Variants in TFAP2A observed in about 807,000 individuals in gnomAD.
The protein encoded by TFAP2A is transcription factor AP-2 alpha.
TFAP2A carries 7 observed loss-of-function variants against 41.5 expected under a neutral mutation model. The ratio of observed to expected loss-of-function variants is 0.17; its 90% CI spans 0.10 to 0.32. The LOEUF is 0.32. Ranked by LOEUF, TFAP2A falls within the 10% of genes least tolerant of loss-of-function variation. The pLI, the probability that TFAP2A is intolerant of heterozygous loss-of-function variation, is 1.00. For synonymous variants in TFAP2A, 247 were observed against 242.8 expected, an observed-to-expected ratio of 1.02 and a Z score of -0.16; for missense variants, 416 against 563.3, an observed-to-expected ratio of 0.74 and a Z score of 2.65.
chr6:10,411,609 T>G, intron 1 of TFAP2A: 2 of 1,613,892 alleles, frequency 1.2e-6, no homozygotes, highest in South Asian at 1.1e-5. Context: ...GCGAAGAGTC[T>G]GGGGTAACGA....
chr6:10,399,076 T>C (rs1029591591), intron 6 of TFAP2A, among the ~76,000 whole-genome samples: 3 of 152,176 alleles, frequency 2.0e-5, no homozygotes, highest in Non-Finnish European at 4.4e-5. Context: ...AACAGTAGCA[T>C]CTTGCGAACA....
Position 10,397,947 on chromosome 6 carries a change from G to C in TFAP2A, c.*470C>G. 1 of 988,988 alleles carries C rather than the reference G, an allele frequency of 1.0e-6. No homozygotes were observed. Among genetic ancestry groups the C allele is most frequent in the Non-Finnish European group, 1.2e-6 (1 of 831,174 alleles). 61.3% of individuals were successfully genotyped at this position (988,988 alleles called of 1,614,324 possible). On this transcript the variant is annotated 3_prime_UTR_variant, in exon 7 of 7. Coordinates refer to ENST00000379613, the MANE Select transcript of TFAP2A (RefSeq NM_001372066.1). ...TTTTTTTTAAGTATGGCTACAATCTGAACTGAAGTATGTAAGGGAAGGTGG... is the reference window on the plus strand; with the variant it reads ...TTTTTTTTAAGTATGGCTACAATCTCAACTGAAGTATGTAAGGGAAGGTGG...
chr6:10,397,012 T>TAA lies in TFAP2A; in HGVS notation c.*1403_*1404dup, dbSNP rs1761788543. The TAA allele has an allele frequency of 6.6e-6, 1 of 152,388 alleles. No homozygotes were observed. Among genetic ancestry groups the TAA allele is most frequent in the Admixed American group, 6.5e-5 (1 of 15,272 alleles). The allele number at this position is 152,388 out of a possible 1,614,324, so 9.4% of individuals were successfully genotyped here. A position where few individuals can be genotyped will look rare whatever the true frequency, so the allele number is the denominator to read the frequency against. On this transcript the variant is annotated 3_prime_UTR_variant, in exon 7 of 7. Transcript: ENST00000379613. The stretch of plus-strand genomic sequence containing the variant: ...TGCCAAGAACAAAAATACGCCTGGG[T>TAA]AAAGACAGCCACTGAATAAAAAAAA...
intron 5 of TFAP2A, among the ~76,000 whole-genome samples, chr6:10,401,227 G>T (rs1326281130): frequency 6.6e-6 from 1 of 152,186 alleles, no homozygotes; most frequent in Non-Finnish European, 1.5e-5. Flanking sequence ...AAATGGAGCG[G>T]ATCACAAACA....
chr6:10,398,725 G>GA lies in TFAP2A; in HGVS notation c.1032-21dup. 1 of 1,610,638 alleles carries GA rather than the reference G, an allele frequency of 6.2e-7. No individual in the cohort carries two copies. Among genetic ancestry groups the GA allele is most frequent in the Non-Finnish European group, 8.5e-7 (1 of 1,177,644 alleles). On this transcript the variant is annotated intron_variant, in intron 6 of 6. Coordinates refer to ENST00000379613, the MANE Select transcript of TFAP2A (RefSeq NM_001372066.1). This position sits in a 1 kb window ranked among gnomAD's most constrained non-coding sequence, Gnocchi z 5.3. ...ATCTGTCTGCAGCACAAGTGGAGCAGAGAGAGAGACATAAGGCTCCACTAT... is the reference window on the plus strand; with the variant it reads ...ATCTGTCTGCAGCACAAGTGGAGCAGAAGAGAGAGACATAAGGCTCCACTAT...
Position 10,398,496 on chromosome 6 carries a change from A to T in TFAP2A, c.1241T>A (p.Met414Lys). ...GCTGTTGGGGTTGTTGCTGAGGTACATTTTGTCCATGGCCTTGAGGGCCTC... is the reference window on the plus strand; with the variant it reads ...GCTGTTGGGGTTGTTGCTGAGGTACTTTTTGTCCATGGCCTTGAGGGCCTC... Reference protein sequence around the residue: ...LTEALKAMDKMYLSNNPNSHT... With the variant: ...LTEALKAMDKKYLSNNPNSHT... Residue 414 changes from methionine to lysine, a missense_variant, in exon 7 of 7, where the codon ATG (methionine) becomes AAG (lysine). Coordinates refer to ENST00000379613, the MANE Select transcript of TFAP2A (RefSeq NM_001372066.1). The surrounding 1 kb of genome is among the most constrained non-coding windows in gnomAD (Gnocchi z 5.3). 1.2e-6 allele frequency: 2 copies of T among 1,614,008 alleles called. No homozygotes were observed. The highest frequency in any genetic ancestry group is 1.7e-6 in the Non-Finnish European group (2 of 1,179,990).
At position 10,409,924 on chromosome 6, in the gene TFAP2A, G is replaced by A; in HGVS notation, c.463C>T (p.Pro155Ser). ...GLGDLSIHSL[P>S]HAIEEVPHVE... ...ACCGGGACCTCCTCGATGGCGTGAG[G>A]TAAGGAGTGGATCGAGAGGTCTCCG... The change falls in exon 2 of 7, where the codon CCT becomes TCT. Residue 155 changes from proline to serine, a missense_variant. Transcript: ENST00000379613. The A allele has an allele frequency of 6.4e-7, 1 of 1,553,104 alleles. No homozygotes were observed. The highest frequency in any genetic ancestry group is 1.2e-5 in the South Asian group (1 of 84,542).
chr6:10,402,451 A>T, intron 5 of TFAP2A, 41 bp downstream of exon 5: 2 of 1,427,896 alleles, frequency 1.4e-6, no homozygotes, highest in South Asian at 1.1e-5. Flanking sequence ...TCCATTTTCC[A>T]AGAAGGAAGT....
Position 10,404,407 on chromosome 6 carries a change from C to A in TFAP2A, c.770+101G>T, listed in dbSNP as rs888393668. 1.5e-5 allele frequency: 12 copies of A among 813,778 alleles called. No individual in the cohort carries two copies. The South Asian group carries it at 4.8e-4, about 32-fold the overall frequency. 50.4% of individuals were successfully genotyped at this position (813,778 alleles called of 1,614,324 possible). On this transcript the variant is annotated intron_variant, in intron 4 of 6. Coordinates refer to ENST00000379613, the MANE Select transcript of TFAP2A (RefSeq NM_001372066.1). ...CTTTCCTTTCCCGCGTAGGGAGGGCCGCGGCGCGAGGCCTGTTTGCGTCGC... is the reference window on the plus strand; with the variant it reads ...CTTTCCTTTCCCGCGTAGGGAGGGCAGCGGCGCGAGGCCTGTTTGCGTCGC...
At position 10,414,993 on chromosome 6, in the gene TFAP2A, G is replaced by T; in HGVS notation, c.-2C>A. ...CGTCAATTTCCAAAGCATTTTCATGGATCGGCGTGAACGGATATGCCCCTC... is the reference window on the plus strand; with the variant it reads ...CGTCAATTTCCAAAGCATTTTCATGTATCGGCGTGAACGGATATGCCCCTC... On this transcript the variant is annotated 5_prime_UTR_variant, in exon 1 of 7. Transcript: ENST00000379613. The T allele has an allele frequency of 6.2e-7, 1 of 1,614,138 alleles. No individual in the cohort carries two copies. Among genetic ancestry groups the T allele is most frequent in the African/African-American group, 1.3e-5 (1 of 75,030 alleles).
chr6:10,409,853 T>TAA, intron 2 of TFAP2A, 48 bp downstream of exon 2: 13 of 1,540,022 alleles, frequency 8.4e-6, no homozygotes, highest in Non-Finnish European at 1.1e-5. Context: ...CTGGGGTAGG[T>TAA]AAGTAGGGGG....
upstream of TFAP2A, chr6:10,417,326 CTGT>C (rs753266464): frequency 3.9e-5 from 6 of 152,280 alleles, no homozygotes; most frequent in Non-Finnish European, 7.3e-5. Flanking sequence ...GGCTGCTAAA[CTGT>C]TGTTGTATTC....
chr6:10,401,378 G>A (rs1761999036), intron 5 of TFAP2A, among the ~76,000 whole-genome samples: 1 of 152,144 alleles, frequency 6.6e-6, no homozygotes, highest in African/African-American at 2.4e-5. Context: ...GTTCTCTATG[G>A]ACTGTTATGA....
Position 10,398,089 on chromosome 6 carries a change from A to C in TFAP2A, c.*328T>G, listed in dbSNP as rs1164960101. On this transcript the variant is annotated 3_prime_UTR_variant, in exon 7 of 7. Transcript: ENST00000379613. The surrounding 1 kb of genome is among the most constrained non-coding windows in gnomAD (Gnocchi z 5.3). Reference sequence around the variant, plus strand: ...GTTGATTTGTTGTTTTGTTTAAAAAAAAAAGGGTTCACAAACTTGGCAGAA... The same window carrying C: ...GTTGATTTGTTGTTTTGTTTAAAAACAAAAGGGTTCACAAACTTGGCAGAA... 2 of 1,202,886 alleles carry C rather than the reference A, an allele frequency of 1.7e-6. No individual in the cohort carries two copies. Among genetic ancestry groups the C allele is most frequent in the Non-Finnish European group, 2.1e-6 (2 of 966,608 alleles). 74.5% of individuals were successfully genotyped at this position (1,202,886 alleles called of 1,614,324 possible).
chr6:10,411,608 C>T (rs1400603874), intron 1 of TFAP2A: 2 of 1,614,048 alleles, frequency 1.2e-6, no homozygotes, highest in African/African-American at 1.3e-5. Flanking sequence ...TGCGAAGAGT[C>T]TGGGGTAACG....
chr6:10,404,676 T>C lies in TFAP2A; in HGVS notation c.602A>G (p.Asn201Ser). Residue 201 changes from asparagine to serine, a missense_variant, in exon 4 of 7, where the codon AAC (asparagine) becomes AGC (serine). Around this residue, in one of 3 missense-constraint regions of TFAP2A, gnomAD observed 241 missense variants for 274.1 expected, o/e 0.88. Coordinates refer to ENST00000379613, the MANE Select transcript of TFAP2A (RefSeq NM_001372066.1). ...AVSAIPINKD[N>S]LFGGVVNPNE... ...GGGGTTCACCACGCCGCCGAAGAGG[T>C]TGTCCTTGTTAATAGGGATGGCGGA... 6.2e-7 allele frequency: 1 copy of C among 1,613,800 alleles called. No homozygotes were observed. Among genetic ancestry groups the C allele is most frequent in the Non-Finnish European group, 8.5e-7 (1 of 1,179,946 alleles).
rs756122879 is a variant in TFAP2A at position 10,400,548 on chromosome 6, C to T, written c.931G>A (p.Glu311Lys). Residue 311 changes from glutamate (E) to lysine (K), a missense_variant, in exon 6 of 7, where the codon GAA becomes AAA. Glu to Lys is a moderately conservative substitution (Grantham distance 56). This residue lies in a region of TFAP2A where 59 missense variants were observed against 135.4 expected (regional missense o/e 0.44). Coordinates refer to ENST00000379613, the MANE Select transcript of TFAP2A (RefSeq NM_001372066.1). ...ACTGCTTTGGCAGGAAATTCGGTTTCGCACACGTACCCAAAGTCCCTGGCT... is the reference window on the plus strand; with the variant it reads ...ACTGCTTTGGCAGGAAATTCGGTTTTGCACACGTACCCAAAGTCCCTGGCT... ...HLARDFGYVC[E>K]TEFPAKAVAE... is the part of the protein sequence containing the mutation. 4 of 1,614,092 alleles carry T rather than the reference C, an allele frequency of 2.5e-6. No individual in the cohort carries two copies. The highest frequency in any genetic ancestry group is 2.2e-5 in the South Asian group (2 of 91,086).
chr6:10,408,915 G>A (rs1047235204), intron 2 of TFAP2A, among the ~76,000 whole-genome samples: 3 of 152,190 alleles, frequency 2.0e-5, no homozygotes, highest in Non-Finnish European at 4.4e-5. Flanking sequence ...ATTTGAAATA[G>A]CATTTTAGTA....
In TFAP2A at chr6:10,398,214, T is replaced by A. The variant is rs944946792; in HGVS notation, c.*203A>T. 2 of 1,470,334 alleles carry A rather than the reference T, an allele frequency of 1.4e-6. No homozygotes were observed. The highest frequency in any genetic ancestry group is 2.8e-5 in the African/African-American group (2 of 70,770). 91.1% of individuals were successfully genotyped at this position (1,470,334 alleles called of 1,614,324 possible). A position where few individuals can be genotyped will look rare whatever the true frequency, so the allele number is the denominator to read the frequency against. On this transcript the variant is annotated 3_prime_UTR_variant, in exon 7 of 7. Coordinates refer to ENST00000379613, the MANE Select transcript of TFAP2A (RefSeq NM_001372066.1). This position sits in a 1 kb window ranked among gnomAD's most constrained non-coding sequence, Gnocchi z 5.3. ...TGGGGAGGTCGAGGCGGGTGCAGAG[T>A]CGGAGAGGCTGCCCCACTGACAGTC... is the stretch of plus-strand genomic sequence containing the variant.
Sources: allele counts gnomAD v4.1 joint callset (sites outside exome capture counted in the v4.1 genomes callset), GRCh38; gene constraint gnomAD v4.1.1; regional missense constraint gnomAD v4.1.1; non-coding constraint Gnocchi (gnomAD v3.1); transcripts MANE v1.5; gene names NCBI Gene and HGNC (gene_info 2026-07-23, HGNC 2026-07-21).